KANTR: variants seen among roughly 807,000 people sequenced by gnomAD.
KANTR encodes KDM5C adjacent transcript.
At chrX:53,124,711 A>G in exon 3 of KANTR, 1 of 242,812 alleles carries the variant, frequency 4.1e-6, no homozygotes, top group Non-Finnish European at 7.3e-6. Context: ...AGATTTCCAA[A>G]TGTTTGGGGA....
intron 2 of KANTR, among the ~76,000 whole-genome samples, chrX:53,110,646 C>T (rs961376660): frequency 3.6e-5 from 4 of 111,874 alleles, no homozygotes; most frequent in South Asian, 7.4e-4. Context: ...AGTTTGGGGC[C>T]GGGCGCCGTG....
downstream of KANTR, chrX:53,143,492 GACA>G: frequency 1.7e-6 from 1 of 596,696 alleles, no homozygotes; most frequent in Non-Finnish European, 2.9e-6. Flanking sequence ...GGCTTAGAGG[GACA>G]ACACGGCCTG....
At chrX:53,134,362 CAA>C (rs1273250666) in intron 2 of KANTR, among the ~76,000 whole-genome samples, 2 of 92,307 alleles carry the variant, frequency 2.2e-5, no homozygotes, top group Admixed American at 1.2e-4. Context: ...AACTCTGTCT[CAA>C]AAAAAAAAAA....
chrX:53,119,192 C>T (rs782621776), intron 2 of KANTR, among the ~76,000 whole-genome samples: 10 of 108,518 alleles, frequency 9.2e-5, no homozygotes, highest in Non-Finnish European at 1.7e-4. Context: ...GGACTACAGG[C>T]GTGTGCCATG....
exon 3 of KANTR, chrX:53,123,719 A>C (rs1714304410): frequency 8.9e-6 from 1 of 111,772 alleles, no homozygotes. Flanking sequence ...GCAGCTCCAC[A>C]GGTCCCTTGT....
At chrX:53,146,745 G>A (rs1556819404), downstream of KANTR, among the ~76,000 whole-genome samples, 6 of 111,930 alleles carry the variant, frequency 5.4e-5, no homozygotes, top group African/African-American at 1.9e-4. Context: ...CCCACAAAGG[G>A]AAGCCCATCA....
chrX:53,112,201 C>T (rs1276413378), intron 2 of KANTR, among the ~76,000 whole-genome samples: 2 of 111,476 alleles, frequency 1.8e-5, no homozygotes, highest in Admixed American at 9.6e-5. Flanking sequence ...TTAGCTCCCA[C>T]TTATGATTGA....
chrX:53,136,490 G>A (rs1477427052), intron 2 of KANTR, among the ~76,000 whole-genome samples: 5 of 98,304 alleles, frequency 5.1e-5, no homozygotes, highest in African/African-American at 1.8e-4. Flanking sequence ...TGCCTGCCTC[G>A]GCCTCCCAAA....
chrX:53,147,560 G>A (rs1245619126), downstream of KANTR, among the ~76,000 whole-genome samples: 1 of 111,220 alleles, frequency 9.0e-6, no homozygotes. Context: ...ACAGATCAAC[G>A]AGACAGAAGT....
chrX:53,144,733 C>T (rs182624772), downstream of KANTR, among the ~76,000 whole-genome samples: 1 of 111,225 alleles, frequency 9.0e-6, no homozygotes, highest in Admixed American at 9.5e-5. Flanking sequence ...TTTTATTAAC[C>T]ACCAGAGAAT....
At chrX:53,127,104 C>T (rs900478594) in exon 3 of KANTR, 3 of 112,132 alleles carry the variant, frequency 2.7e-5, no homozygotes, top group Non-Finnish European at 3.8e-5. Context: ...CCTGAAACAC[C>T]CTTCCTCCTA....
At chrX:53,102,697 A>G (rs1404540958) in intron 2 of KANTR, among the ~76,000 whole-genome samples, 1 of 111,532 alleles carries the variant, frequency 9.0e-6, no homozygotes, top group African/African-American at 3.3e-5. Flanking sequence ...CCTTGTTGTA[A>G]ATCTCATATC....
chrX:53,146,213 C>T (rs373191620), downstream of KANTR, among the ~76,000 whole-genome samples: 4 of 111,359 alleles, frequency 3.6e-5, no homozygotes, highest in East Asian at 2.8e-4. Flanking sequence ...GGAGGAAGTT[C>T]GAACCAATGG....
intron 2 of KANTR, among the ~76,000 whole-genome samples, chrX:53,139,351 A>G (rs1933471257): frequency 8.9e-6 from 1 of 112,352 alleles, no homozygotes; most frequent in South Asian, 3.7e-4. Context: ...CTTCAAGACT[A>G]TAATCCATAT....
exon 3 of KANTR, chrX:53,141,969 G>A (rs1210957886): frequency 6.9e-5 from 26 of 379,245 alleles, no homozygotes; most frequent in African/African-American, 1.9e-4. Flanking sequence ...CTGACAGACC[G>A]GCAGGACAGA....
At chrX:53,125,803 T>C (rs1276837124) in exon 3 of KANTR, 2 of 111,108 alleles carry the variant, frequency 1.8e-5, no homozygotes, top group Non-Finnish European at 3.8e-5. Flanking sequence ...CTTACATGCA[T>C]ACATTCTTGT....
intron 2 of KANTR, among the ~76,000 whole-genome samples, chrX:53,132,536 C>G (rs1207678721): frequency 1.8e-5 from 2 of 112,030 alleles, no homozygotes; most frequent in African/African-American, 6.5e-5. Context: ...CACAAACAGA[C>G]AAAATTTTAA....
intron 2 of KANTR, among the ~76,000 whole-genome samples, chrX:53,132,939 A>G (rs1440431305): frequency 8.9e-6 from 1 of 111,995 alleles, no homozygotes; most frequent in Non-Finnish European, 1.9e-5. Context: ...TTACAAATAT[A>G]TGCACATATA....
At chrX:53,133,383 AAGG>A (rs1556817264) in intron 2 of KANTR, among the ~76,000 whole-genome samples, 1 of 108,361 alleles carries the variant, frequency 9.2e-6, no homozygotes, top group Admixed American at 9.9e-5. Flanking sequence ...AAAAGAAAGA[AAGG>A]GGGAGGAGAA....
Sources: gnomAD v4.1 joint callset for allele counts (sites outside exome capture counted in the v4.1 genomes callset) on GRCh38, gnomAD v4.1.1 for gene constraint, MANE v1.5 for transcripts, NCBI Gene and HGNC (gene_info 2026-07-23, HGNC 2026-07-21) for gene names.